The following GPHN variants were observed in gnomAD, a reference collection of about 807,000 sequenced individuals.
GPHN encodes gephyrin.
GPHN carries 17 observed loss-of-function variants against 95.5 expected under a neutral mutation model. That is an observed-to-expected ratio of 0.18 (90% CI 0.12 to 0.27). The LOEUF (loss-of-function observed/expected upper bound fraction) is 0.27. GPHN is among the 10% of genes least tolerant of loss of function. The pLI, the probability that GPHN is intolerant of heterozygous loss-of-function variation, is 1.00. For synonymous variants in GPHN, 320 were observed against 322.5 expected (o/e 0.99, Z 0.08); for missense variants, 660 against 978.1 (o/e 0.67, Z 4.34).
intron 2 of GPHN, among the ~76,000 whole-genome samples, chr14:66,685,609 G>A (rs1318303504): frequency 6.6e-6 from 1 of 151,918 alleles, no homozygotes; most frequent in Non-Finnish European, 1.5e-5. Flanking sequence ...TTTTTTTCTT[G>A]TAAATTTGTT....
chr14:67,358,420 C>T, the GPHN span, among the ~76,000 whole-genome samples: 1 of 152,148 alleles, frequency 6.6e-6, no homozygotes, highest in Non-Finnish European at 1.5e-5. Flanking sequence ...TTTTAAGCAT[C>T]CTCAGATTCT....
intron 9 of GPHN, among the ~76,000 whole-genome samples, chr14:66,989,403 A>G (rs546860001): frequency 4.5e-4 from 68 of 152,132 alleles, no homozygotes; most frequent in Non-Finnish European, 7.5e-4. Flanking sequence ...ACTGAGACCA[A>G]AAAGTTGAGA....
At chr14:66,709,603 T>C (rs2069421694) in intron 2 of GPHN, 1 of 322,780 alleles carries the variant, frequency 3.1e-6, no homozygotes. Flanking sequence ...TAAGTATTAT[T>C]TATGTCTGGA....
chr14:66,794,525 A>G (rs1368879721), intron 3 of GPHN, among the ~76,000 whole-genome samples: 1 of 152,188 alleles, frequency 6.6e-6, no homozygotes, highest in African/African-American at 2.4e-5. Context: ...CAACAAACCA[A>G]AGAAAAATAA....
intron 13 of GPHN, among the ~76,000 whole-genome samples, chr14:67,106,469 C>T (rs992379587): frequency 5.9e-5 from 9 of 152,090 alleles, no homozygotes; most frequent in African/African-American, 2.2e-4. Context: ...ATAAGTCTTA[C>T]AAGCTTTCTT....
At chr14:67,345,372 C>CATGGCAAAA in the GPHN span, among the ~76,000 whole-genome samples, 1 of 152,108 alleles carries the variant, frequency 6.6e-6, no homozygotes, top group Non-Finnish European at 1.5e-5. Context: ...GCCTGACAAA[C>CATGGCAAAA]ATGGCAAAAC....
the GPHN span, among the ~76,000 whole-genome samples, chr14:67,678,822 G>A: frequency 6.7e-6 from 1 of 150,120 alleles, no homozygotes; most frequent in Non-Finnish European, 1.5e-5. Flanking sequence ...ACATTGGTCA[G>A]AGATGCCTGG....
chr14:67,250,425 C>T, the GPHN span, among the ~76,000 whole-genome samples: 5 of 152,136 alleles, frequency 3.3e-5, no homozygotes, highest in Non-Finnish European at 5.9e-5. Context: ...AACAGTGGTT[C>T]TTCTGTCTTA....
At chr14:66,811,309 A>G (rs935424087) in intron 3 of GPHN, among the ~76,000 whole-genome samples, 27 of 152,200 alleles carry the variant, frequency 1.8e-4, no homozygotes, top group African/African-American at 5.5e-4. Flanking sequence ...ACGTAAAAAA[A>G]GAAAGGATTT....
chr14:67,235,944 T>A, the GPHN span, among the ~76,000 whole-genome samples: 1 of 152,114 alleles, frequency 6.6e-6, no homozygotes. Context: ...TTTATGTGTG[T>A]CTTTTTAAAA....
At position 66,681,077 on chromosome 14, in the gene GPHN, T is replaced by A. The variant is rs751816832; in HGVS notation, c.65-30T>A. On this transcript the variant is annotated intron_variant, in intron 1 of 22. Coordinates refer to ENST00000478722, the MANE Select transcript of GPHN (RefSeq NM_020806.5). ...TAAATGAAATGTAGACAAAAATTAA[T>A]TTTTTTTTCTTTTCCCCATTTCTAT... 6 of 1,292,514 alleles carry A rather than the reference T, an allele frequency of 4.6e-6. No individual in the cohort carries two copies. The East Asian group carries it at 1.2e-4, about 26-fold the overall frequency. The allele number at this position is 1,292,514 out of a possible 1,614,324, so 80.1% of individuals were successfully genotyped here. A position where few individuals can be genotyped will look rare whatever the true frequency, so the allele number is the denominator to read the frequency against.
intron 1 of GPHN, among the ~76,000 whole-genome samples, chr14:66,667,822 A>G (rs2066056358): frequency 6.6e-6 from 1 of 152,230 alleles, no homozygotes. Flanking sequence ...GCTTCTGCAC[A>G]GCTAAAGAAA....
At chr14:67,178,934 A>T (rs1290250580) in intron 21 of GPHN, among the ~76,000 whole-genome samples, 1 of 152,214 alleles carries the variant, frequency 6.6e-6, no homozygotes, top group Non-Finnish European at 1.5e-5. Context: ...GAAAGAAAAA[A>T]AAAATGCCAA....
At chr14:67,442,056 TGACTA>T in the GPHN span, 1 of 153,116 alleles carries the variant, frequency 6.5e-6, no homozygotes, top group African/African-American at 2.4e-5. Context: ...TAGAAGAAGA[TGACTA>T]TAATAGTAAT....
At chr14:66,743,668 G>T (rs2072998257) in intron 2 of GPHN, among the ~76,000 whole-genome samples, 1 of 152,198 alleles carries the variant, frequency 6.6e-6, no homozygotes, top group Non-Finnish European at 1.5e-5. Context: ...CGTGGAAACG[G>T]GAGGCGGTGC....
intron 5 of GPHN, among the ~76,000 whole-genome samples, chr14:66,899,518 T>G (rs1206541256): frequency 6.6e-6 from 1 of 151,994 alleles, no homozygotes; most frequent in East Asian, 1.9e-4. Context: ...TTAATTGATA[T>G]GATTGCATGA....
chr14:66,535,605 C>T (rs1472639234), intron 1 of GPHN, among the ~76,000 whole-genome samples: 1 of 152,132 alleles, frequency 6.6e-6, no homozygotes, highest in Non-Finnish European at 1.5e-5. Flanking sequence ...CATGGATTAT[C>T]TATCCATTTA....
At chr14:66,660,938 A>G (rs2065606608) in intron 1 of GPHN, among the ~76,000 whole-genome samples, 1 of 152,156 alleles carries the variant, frequency 6.6e-6, no homozygotes, top group African/African-American at 2.4e-5. Context: ...CGGTCAGGAG[A>G]TCCCCTTGTG....
At chr14:67,009,288 C>T (rs1450345702) in intron 9 of GPHN, among the ~76,000 whole-genome samples, 1 of 152,082 alleles carries the variant, frequency 6.6e-6, no homozygotes, top group Non-Finnish European at 1.5e-5. Context: ...ATGAGCTTGG[C>T]ATAGCTGCTT....
Sources: gnomAD v4.1 joint callset for allele counts (sites outside exome capture counted in the v4.1 genomes callset) on GRCh38, gnomAD v4.1.1 for gene constraint, MANE v1.5 for transcripts, NCBI Gene and HGNC (gene_info 2026-07-23, HGNC 2026-07-21) for gene names.